CD36: variants seen among roughly 807,000 people sequenced by gnomAD.
CD36 encodes the protein CD36 molecule (CD36 blood group), also known as platelet glycoprotein 4.
A neutral mutation model predicts 55.2 loss-of-function variants in CD36; 119 were observed. The ratio of observed to expected loss-of-function variants is 2.15; its 90% confidence interval spans 1.86 to 2.51. CD36 has a LOEUF of 2.51. Ranked by LOEUF, CD36 falls within the 30% of genes most tolerant of loss-of-function variation. The pLI is 0.00. For missense variants in CD36, 819 were observed against 555.5 expected, an observed-to-expected ratio of 1.47 and a Z score of -4.77; for synonymous variants, 186 against 193.6, an observed-to-expected ratio of 0.96 and a Z score of 0.33.
In CD36 at chr7:80,656,621, T is replaced by C. The variant is rs780279531; in HGVS notation, c.202T>C (p.Phe68Leu). Reference protein sequence around the residue: ...GTEVYRQFWIFDVQNPQEVMM... With the variant: ...GTEVYRQFWILDVQNPQEVMM... ...AGAAGTTTACAGACAGTTTTGGATC[T>C]TTGATGTGCAAAATCCACAGGAAGT... The change falls in exon 4 of 15, where the codon TTT becomes CTT. Residue 68 changes from phenylalanine to leucine, a missense_variant. Coordinates refer to ENST00000447544, the MANE Select transcript of CD36 (RefSeq NM_001001548.3). The C allele has an allele frequency of 6.2e-6, 10 of 1,613,742 alleles. No homozygotes were observed. In the Admixed American group the frequency reaches 1.2e-4, roughly 19 times the overall value.
At chr7:80,670,061 A>AC (rs758702656) in intron 9 of CD36, 39 bp downstream of exon 9, 1 of 1,237,928 alleles carries the variant, frequency 8.1e-7, no homozygotes, top group Non-Finnish European at 1.2e-6. Context: ...TCTGAGTCAG[A>AC]CCCCAGGTGA....
intron 7 of CD36, chr7:80,665,925 TAAAG>T (rs1797046959): frequency 6.4e-6 from 1 of 155,456 alleles, no homozygotes; most frequent in Non-Finnish European, 1.4e-5. Flanking sequence ...ATGGGAGAAT[TAAAG>T]GGAGGAAGGG....
intron 1 of CD36, among the ~76,000 whole-genome samples, chr7:80,611,387 C>A (rs137903999): frequency 5.6e-4 from 86 of 152,266 alleles, no homozygotes; most frequent in African/African-American, 1.7e-3. Flanking sequence ...ACTGTGGCAT[C>A]TTCTAATTTT....
At chr7:80,658,297 A>T (rs2116609535) in intron 4 of CD36, among the ~76,000 whole-genome samples, 1 of 152,176 alleles carries the variant, frequency 6.6e-6, no homozygotes, top group East Asian at 1.9e-4. Context: ...ATATATATGT[A>T]TTCATAGGTG....
Position 80,674,151 on chromosome 7 carries a change from A to T in CD36, c.*4A>T, listed in dbSNP as rs201385738. Reference sequence around the variant, plus strand: ...CAGATCGAAAACAATAAAATAAGTAAGTATGTACCAAAAAATATTGCTTCA... The same window carrying T: ...CAGATCGAAAACAATAAAATAAGTATGTATGTACCAAAAAATATTGCTTCA... On this transcript the variant is annotated splice_donor_region_variant and intron_variant, in intron 14 of 14. Coordinates refer to ENST00000447544, the MANE Select transcript of CD36 (RefSeq NM_001001548.3). The T allele has an allele frequency of 6.3e-7, 1 of 1,580,196 alleles. No individual in the cohort carries two copies. The highest frequency in any genetic ancestry group is 1.1e-5 in the South Asian group (1 of 90,114).
intron 9 of CD36, 173 bp downstream of exon 9, chr7:80,670,195 C>G: frequency 1.7e-6 from 1 of 584,092 alleles, no homozygotes; most frequent in Middle Eastern, 4.1e-4. Context: ...TTTTTTTTTG[C>G]CATTTCTATC....
chr7:80,637,186 T>A (rs1794478051), upstream of CD36, among the ~76,000 whole-genome samples: 1 of 151,988 alleles, frequency 6.6e-6, no homozygotes, highest in African/African-American at 2.4e-5. Context: ...CATATTAGAG[T>A]GTGAGTGTGT....
intron 1 of CD36, among the ~76,000 whole-genome samples, chr7:80,606,649 C>T (rs1271072581): frequency 6.6e-6 from 1 of 152,136 alleles, no homozygotes; most frequent in Non-Finnish European, 1.5e-5. Flanking sequence ...CAGAGAGAAA[C>T]ATTTAGCTCA....
In CD36 at chr7:80,646,969, T is replaced by C; in HGVS notation, c.120+109T>C. 5 of 1,229,698 alleles carry C rather than the reference T, an allele frequency of 4.1e-6. No individual in the cohort carries two copies. In the South Asian group the frequency reaches 4.9e-5, roughly 12 times the overall value. 76.2% of individuals were successfully genotyped at this position (1,229,698 alleles called of 1,614,324 possible). A position where few individuals can be genotyped will look rare whatever the true frequency, so the allele number is the denominator to read the frequency against. On this transcript the variant is annotated intron_variant, in intron 3 of 14. Transcript: ENST00000447544. Reference sequence around the variant, plus strand: ...TTTCATGGTAACTGCTAATTTTGTATCTTTGACATAAAGGTAATTATGAAC... The same window carrying C: ...TTTCATGGTAACTGCTAATTTTGTACCTTTGACATAAAGGTAATTATGAAC...
Position 80,672,811 on chromosome 7 carries a change from C to CAACCTATTGGTCAAGCCATCAGAAAAA in CD36, c.1169_1195dup (p.Asn390_Lys398dup). 1 of 1,610,922 alleles carries CAACCTATTGGTCAAGCCATCAGAAAAA rather than the reference C, an allele frequency of 6.2e-7. No homozygotes were observed. Among genetic ancestry groups the CAACCTATTGGTCAAGCCATCAGAAAAA allele is most frequent in the Non-Finnish European group, 8.5e-7 (1 of 1,178,130 alleles). On this transcript the variant is annotated inframe_insertion, in exon 12 of 15. Coordinates refer to ENST00000447544, the MANE Select transcript of CD36 (RefSeq NM_001001548.3). ...TACAATTTGCAAAACGGCTGCAGGT[C>CAACCTATTGGTCAAGCCATCAGAAAAA]AACCTATTGGTCAAGCCATCAGAAA...
At chr7:80,666,623 A>C (rs1486334947) in intron 8 of CD36, 134 bp downstream of exon 8, 1 of 728,580 alleles carries the variant, frequency 1.4e-6, no homozygotes, top group African/African-American at 1.7e-5. Flanking sequence ...CAAAATTCAG[A>C]GTCACTATTT....
At chr7:80,668,151 G>A (rs1337690720) in intron 8 of CD36, among the ~76,000 whole-genome samples, 18 of 152,168 alleles carry the variant, frequency 1.2e-4, no homozygotes, top group Non-Finnish European at 2.6e-4. Flanking sequence ...ACCAATGCTA[G>A]TAGTTGTATA....
chr7:80,657,010 G>C (rs1796144684), intron 4 of CD36, among the ~76,000 whole-genome samples: 1 of 152,042 alleles, frequency 6.6e-6, no homozygotes, highest in Non-Finnish European at 1.5e-5. Flanking sequence ...TATGAAGTTA[G>C]TGTTTTGTTA....
chr7:80,611,657 T>G (rs933841313), intron 1 of CD36, among the ~76,000 whole-genome samples: 65 of 152,278 alleles, frequency 4.3e-4, no homozygotes, highest in African/African-American at 1.6e-3. Context: ...AAATCTATTC[T>G]AGAATTTGGA....
At chr7:80,644,189 C>A (rs1327916140) in intron 1 of CD36, among the ~76,000 whole-genome samples, 1 of 152,084 alleles carries the variant, frequency 6.6e-6, no homozygotes, top group African/African-American at 2.4e-5. Context: ...TGGACAAAGC[C>A]ATATGAGGTA....
chr7:80,673,372 AGAG>A lies in CD36; in HGVS notation c.1220_1222del (p.Arg407del), dbSNP rs773274847. On this transcript the variant is annotated inframe_deletion, in exon 13 of 15. Transcript: ENST00000447544. ...TATTACAGAGTATTAAAGAATCTGA[AGAG>A]GAACTATATTGTGCCTATTCTTTGG... 2 of 1,547,134 alleles carry A rather than the reference AGAG, an allele frequency of 1.3e-6. No individual in the cohort carries two copies. The highest frequency in any genetic ancestry group is 4.5e-5 in the East Asian group (2 of 44,262).
rs1290772285 is a variant in CD36, at chr7:80,678,252, T to A, written c.*1869T>A. The stretch of plus-strand genomic sequence containing the variant: ...GCAATTGCTCATGGATGAATTTATA[T>A]GTTTTAGTCATAGAAAAATTGTACC... On this transcript the variant is annotated 3_prime_UTR_variant, in exon 15 of 15. Transcript: ENST00000447544. 6.6e-6 allele frequency: 1 copy of A among 152,206 alleles called. No individual in the cohort carries two copies. Among genetic ancestry groups the A allele is most frequent in the Non-Finnish European group, 1.5e-5 (1 of 68,026 alleles). 9.4% of individuals were successfully genotyped at this position (152,206 alleles called of 1,614,324 possible). A position where few individuals can be genotyped will look rare whatever the true frequency, so the allele number is the denominator to read the frequency against.
At position 80,678,385 on chromosome 7, in the gene CD36, C is replaced by T. The variant is rs1391646194; in HGVS notation, c.*2002C>T. Reference sequence around the variant, plus strand: ...TCAATAGCGTCTGCAAATGGATTAACAGATTAGAGAATCAACAGCATCGGA... The same window carrying T: ...TCAATAGCGTCTGCAAATGGATTAATAGATTAGAGAATCAACAGCATCGGA... On this transcript the variant is annotated 3_prime_UTR_variant, in exon 15 of 15. Coordinates refer to ENST00000447544, the MANE Select transcript of CD36 (RefSeq NM_001001548.3). 2.0e-5 allele frequency: 3 copies of T among 151,996 alleles called. No individual in the cohort carries two copies. The highest frequency in any genetic ancestry group is 3.9e-4 in the East Asian group (2 of 5,184). The allele number at this position is 151,996 out of a possible 1,614,324, so 9.4% of individuals were successfully genotyped here. A position where few individuals can be genotyped will look rare whatever the true frequency, so the allele number is the denominator to read the frequency against.
In CD36 at chr7:80,676,837, G is replaced by T. The variant is rs767555927; in HGVS notation, c.*454G>T. 1 of 151,408 alleles carries T rather than the reference G, an allele frequency of 6.6e-6. No homozygotes were observed. The highest frequency in any genetic ancestry group is 1.9e-4 in the East Asian group (1 of 5,174). 9.4% of individuals were successfully genotyped at this position (151,408 alleles called of 1,614,324 possible). A position where few individuals can be genotyped will look rare whatever the true frequency, so the allele number is the denominator to read the frequency against. On this transcript the variant is annotated 3_prime_UTR_variant, in exon 15 of 15. Coordinates refer to ENST00000447544, the MANE Select transcript of CD36 (RefSeq NM_001001548.3). ...TTTTTTTTACTCAGTTGCAACTTAC[G>T]CTTGGCATCTTCAGAATGCTTTTCT...
Sources: allele counts gnomAD v4.1 joint callset (sites outside exome capture counted in the v4.1 genomes callset), GRCh38; gene constraint gnomAD v4.1.1; transcripts MANE v1.5; gene names NCBI Gene and HGNC (gene_info 2026-07-23, HGNC 2026-07-21).